Variants in CTNNA3 observed in about 807,000 individuals in gnomAD.
CTNNA3 encodes catenin alpha-3.
In CTNNA3, 76 loss-of-function variants were observed where a neutral mutation model predicts 95.7. That is an observed-to-expected ratio of 0.79 (90% CI 0.66 to 0.96). The LOEUF (loss-of-function observed/expected upper bound fraction) is 0.96, where lower values mean the gene tolerates loss of function less well. Ranked by LOEUF, CTNNA3 falls within the 40% of genes least tolerant of loss-of-function variation. The probability of loss-of-function intolerance (pLI) is 0.00; values close to 1 mark genes in which losing one functional copy is unlikely to be tolerated. For missense variants in CTNNA3, 1,191 were observed against 1,089.8 expected, an observed-to-expected ratio of 1.09 and a Z score of -1.31; for synonymous variants, 431 against 374.4, an observed-to-expected ratio of 1.15 and a Z score of -1.74.
intron 7 of CTNNA3, among the ~76,000 whole-genome samples, chr10:66,810,295 A>G (rs953836495): frequency 1.3e-5 from 2 of 152,150 alleles, no homozygotes; most frequent in African/African-American, 2.4e-5. Context: ...CTGGCTTAGC[A>G]GTAGTTCTGG....
intron 3 of CTNNA3, among the ~76,000 whole-genome samples, chr10:67,568,511 G>GCA (rs147711316): frequency 5.5e-4 from 82 of 149,128 alleles, no homozygotes; most frequent in South Asian, 4.9e-3. Flanking sequence ...TTCCTTGCAC[G>GCA]CACACACACA....
chr10:66,597,657 T>TTTG (rs1843770575), intron 10 of CTNNA3, among the ~76,000 whole-genome samples: 1 of 149,938 alleles, frequency 6.7e-6, no homozygotes, highest in South Asian at 2.1e-4. Flanking sequence ...AAAGGAACCC[T>TTTG]CATGAGATTA....
At chr10:67,031,266 A>C (rs1564843036) in intron 7 of CTNNA3, among the ~76,000 whole-genome samples, 1 of 152,178 alleles carries the variant, frequency 6.6e-6, no homozygotes, top group Non-Finnish European at 1.5e-5. Context: ...GTTCAACATC[A>C]AATGAGGTAG....
At chr10:67,303,234 C>G (rs565814114) in intron 5 of CTNNA3, among the ~76,000 whole-genome samples, 1 of 152,336 alleles carries the variant, frequency 6.6e-6, no homozygotes. Flanking sequence ...GCCATAGAGA[C>G]AACCACCTTG....
chr10:66,401,658 CTTTTTTTTTTT>C (rs540003137), intron 11 of CTNNA3, among the ~76,000 whole-genome samples: 1 of 116,302 alleles, frequency 8.6e-6, no homozygotes, highest in Admixed American at 9.4e-5. Context: ...CCATTTCTTT[CTTTTTTTTTTT>C]TTTTTTTGAG....
chr10:67,067,328 G>T (rs1053665170), intron 7 of CTNNA3, among the ~76,000 whole-genome samples: 4 of 151,956 alleles, frequency 2.6e-5, no homozygotes, highest in African/African-American at 9.7e-5. Flanking sequence ...AATATTTATT[G>T]AGCAATAAAC....
intron 1 of CTNNA3, among the ~76,000 whole-genome samples, chr10:67,728,971 C>T (rs1292034241): frequency 6.6e-6 from 1 of 152,064 alleles, no homozygotes; most frequent in Non-Finnish European, 1.5e-5. Context: ...TCCTTTAAAG[C>T]TTCCATATTA....
intron 13 of CTNNA3, among the ~76,000 whole-genome samples, chr10:66,109,267 G>C (rs1391936588): frequency 6.6e-6 from 1 of 152,144 alleles, no homozygotes; most frequent in Non-Finnish European, 1.5e-5. Flanking sequence ...GAGACTCCCT[G>C]ACATCTTGAT....
At chr10:67,404,468 G>A (rs1845054335) in intron 5 of CTNNA3, among the ~76,000 whole-genome samples, 1 of 151,942 alleles carries the variant, frequency 6.6e-6, no homozygotes, top group African/African-American at 2.4e-5. Flanking sequence ...AGAGCTTGAA[G>A]AATGTCATTC....
At chr10:66,585,795 A>G (rs1011016730) in intron 10 of CTNNA3, among the ~76,000 whole-genome samples, 7 of 151,946 alleles carry the variant, frequency 4.6e-5, no homozygotes, top group African/African-American at 1.7e-4. Flanking sequence ...CTGGAGAGTC[A>G]GTGTGATTGA....
intron 4 of CTNNA3, among the ~76,000 whole-genome samples, chr10:67,526,818 A>G (rs1840159398): frequency 6.6e-6 from 1 of 152,250 alleles, no homozygotes; most frequent in Non-Finnish European, 1.5e-5. Context: ...GACACCTTTC[A>G]GTAGTGAATA....
intron 11 of CTNNA3, among the ~76,000 whole-genome samples, chr10:66,391,811 A>G (rs566652526): frequency 7.8e-4 from 119 of 152,188 alleles, no homozygotes; most frequent in African/African-American, 2.8e-3. Context: ...CTCATGTTAA[A>G]TTTGTAAAAC....
intron 10 of CTNNA3, among the ~76,000 whole-genome samples, chr10:66,576,149 G>C (rs1015605302): frequency 6.6e-6 from 1 of 151,980 alleles, no homozygotes; most frequent in Non-Finnish European, 1.5e-5. Flanking sequence ...AAGATATCTT[G>C]TACAATCCAA....
intron 7 of CTNNA3, among the ~76,000 whole-genome samples, chr10:66,905,818 C>T (rs1002307035): frequency 6.6e-6 from 1 of 151,964 alleles, no homozygotes; most frequent in Non-Finnish European, 1.5e-5. Context: ...ATGGTGGTTG[C>T]CAGGCATTGG....
chr10:67,242,552 T>C (rs1865755545), intron 5 of CTNNA3, among the ~76,000 whole-genome samples: 1 of 152,194 alleles, frequency 6.6e-6, no homozygotes, highest in Non-Finnish European at 1.5e-5. Context: ...CTATACTGTA[T>C]CTGCCCCGAT....
chr10:66,540,098 A>G (rs922072611), intron 10 of CTNNA3, among the ~76,000 whole-genome samples: 1 of 152,086 alleles, frequency 6.6e-6, no homozygotes, highest in African/African-American at 2.4e-5. Flanking sequence ...GAGGTATTAC[A>G]TCCTTACTGT....
chr10:66,436,501 CT>C (rs34165061), intron 11 of CTNNA3, among the ~76,000 whole-genome samples: 874 of 60,392 alleles, frequency 0.014, no homozygotes, highest in African/African-American at 0.023. Flanking sequence ...ACAATCCCTG[CT>C]TTTTTTTTTT....
intron 7 of CTNNA3, chr10:66,926,119 C>A: frequency 4.4e-6 from 2 of 458,846 alleles, no homozygotes; most frequent in South Asian, 3.1e-5. Flanking sequence ...GCCTTCTGGG[C>A]TCCAACGCAG....
chr10:66,554,782 G>C (rs1172948599), intron 10 of CTNNA3, among the ~76,000 whole-genome samples: 1 of 151,810 alleles, frequency 6.6e-6, no homozygotes, highest in African/African-American at 2.4e-5. Flanking sequence ...ATAAGTATAG[G>C]CTTCTTCCTT....
Sources: gnomAD v4.1 joint callset for allele counts (sites outside exome capture counted in the v4.1 genomes callset) on GRCh38, gnomAD v4.1.1 for gene constraint, MANE v1.5 for transcripts, NCBI Gene and HGNC (gene_info 2026-07-23, HGNC 2026-07-21) for gene names.